The following SPAG17 variants were observed in gnomAD, a reference collection of about 807,000 sequenced individuals.
SPAG17 encodes sperm-associated antigen 17.
Under a neutral mutation model 273.6 loss-of-function variants are expected in SPAG17, and 169 were observed. That is an observed-to-expected ratio of 0.62 (90% CI 0.55 to 0.70). The LOEUF is 0.70. Ranked by LOEUF, SPAG17 falls within the 30% of genes least tolerant of loss-of-function variation. The pLI is 0.00. For missense variants in SPAG17, 2,557 were observed against 2,627.8 expected, an observed-to-expected ratio of 0.97 and a Z score of 0.59; for synonymous variants, 825 against 873.2, an observed-to-expected ratio of 0.94 and a Z score of 0.97.
At chr1:118,020,396 TG>T (rs1213354329) in intron 28 of SPAG17, among the ~76,000 whole-genome samples, 1 of 150,850 alleles carries the variant, frequency 6.6e-6, no homozygotes, top group African/African-American at 2.4e-5. Flanking sequence ...ATCACGCCAT[TG>T]GCACTCCAGC....
At chr1:117,994,928 G>T (rs529603113) in intron 34 of SPAG17, among the ~76,000 whole-genome samples, 3 of 152,164 alleles carry the variant, frequency 2.0e-5, no homozygotes, top group African/African-American at 7.2e-5. Flanking sequence ...CTCTGTGAAT[G>T]AACCTTCCCT....
intron 47 of SPAG17, chr1:117,966,115 T>C (rs1653812189): frequency 6.6e-6 from 1 of 152,302 alleles, no homozygotes; most frequent in Non-Finnish European, 1.5e-5. Flanking sequence ...ATATAATACC[T>C]TTTAAGACAG....
In SPAG17 at chr1:117,981,354, T is replaced by C. The variant is rs759203144; in HGVS notation, c.5920A>G (p.Ser1974Gly). Residue 1974 changes from serine (S) to glycine (G), a missense_variant, in exon 43 of 49, where the codon AGT (serine) becomes GGT (glycine). Transcript: ENST00000336338. Reference protein sequence around the residue: ...VSEQKSSSVPSLPKPEISADK... With the variant: ...VSEQKSSSVPGLPKPEISADK... ...GCAGAAATCTCTGGTTTTGGAAGAC[T>C]AGGCACACTTGAGGATTTCTGTTCT... The C allele has an allele frequency of 1.4e-5, 23 of 1,602,120 alleles. No homozygotes were observed. The highest frequency in any genetic ancestry group is 1.8e-5 in the Admixed American group (1 of 55,814).
At position 117,958,314 on chromosome 1, in the gene SPAG17, C is replaced by T. The variant is rs563517959; in HGVS notation, c.*1-4265G>A. On this transcript the variant is annotated intron_variant, in intron 48 of 48. Coordinates refer to ENST00000336338, the MANE Select transcript of SPAG17 (RefSeq NM_206996.4). Reference sequence around the variant, plus strand: ...CATAATTTGGGGCAACTTGTAAAGACATAAGTTCATATTTAACCATGTTAC... The same window carrying T: ...CATAATTTGGGGCAACTTGTAAAGATATAAGTTCATATTTAACCATGTTAC... 1.2e-4 allele frequency among the ~76,000 whole-genome samples: 18 copies of T among 152,272 alleles called. No individual in the cohort carries two copies. In the South Asian group the frequency reaches 3.7e-3, roughly 32 times the overall value.
intron 43 of SPAG17, among the ~76,000 whole-genome samples, chr1:117,979,604 T>C (rs944095194): frequency 6.6e-6 from 1 of 152,196 alleles, no homozygotes; most frequent in Non-Finnish European, 1.5e-5. Flanking sequence ...AAATTAGCCA[T>C]GTAACTACCC....
At chr1:118,136,832 T>TGTGTGTG (rs1558037921) in intron 3 of SPAG17, among the ~76,000 whole-genome samples, 1 of 150,034 alleles carries the variant, frequency 6.7e-6, no homozygotes, top group Non-Finnish European at 1.5e-5. Flanking sequence ...TGTGTGTGTG[T>TGTGTGTG]TTTTAATGAT....
chr1:118,161,920 G>C (rs1448459206), intron 1 of SPAG17, among the ~76,000 whole-genome samples: 2 of 152,170 alleles, frequency 1.3e-5, no homozygotes, highest in Non-Finnish European at 2.9e-5. Flanking sequence ...GGGAGGAATG[G>C]TGTATGTAGT....
chr1:117,955,472 C>T (rs1652064360), intron 48 of SPAG17: 1 of 975,314 alleles, frequency 1.0e-6, no homozygotes, highest in African/African-American at 1.7e-5. Flanking sequence ...ATAGGTTTAA[C>T]TATATCAAAG....
chr1:118,087,313 A>AT (rs1655074209), intron 10 of SPAG17, among the ~76,000 whole-genome samples: 1 of 152,188 alleles, frequency 6.6e-6, no homozygotes, highest in South Asian at 2.1e-4. Context: ...GAATAATAAC[A>AT]TTTTTTCTTA....
At chr1:117,975,195 G>T (rs1655001814) in intron 43 of SPAG17, among the ~76,000 whole-genome samples, 1 of 152,088 alleles carries the variant, frequency 6.6e-6, no homozygotes, top group Admixed American at 6.6e-5. Flanking sequence ...GAACAAGTAG[G>T]GATGGGTCAT....
chr1:118,165,683 T>TCAC (rs1660138207), intron 1 of SPAG17, among the ~76,000 whole-genome samples: 1 of 143,576 alleles, frequency 7.0e-6, no homozygotes, highest in South Asian at 2.3e-4. Context: ...TCTCGCTCTG[T>TCAC]CACCCAGGTT....
At chr1:118,111,553 A>ACACACAC (rs6143395) in intron 4 of SPAG17, among the ~76,000 whole-genome samples, 9 of 135,858 alleles carry the variant, frequency 6.6e-5, no homozygotes, top group African/African-American at 2.0e-4. Context: ...CTTTTAAAAC[A>ACACACAC]ACACACACAC....
chr1:118,001,249 G>A (rs550523914), intron 32 of SPAG17, among the ~76,000 whole-genome samples: 4 of 152,216 alleles, frequency 2.6e-5, no homozygotes, highest in South Asian at 4.2e-4. Flanking sequence ...ATTTCACATC[G>A]ATGTTCATCA....
At chr1:118,056,291 C>A (rs1557966145) in intron 18 of SPAG17, among the ~76,000 whole-genome samples, 1 of 152,122 alleles carries the variant, frequency 6.6e-6, no homozygotes, top group Non-Finnish European at 1.5e-5. Context: ...GAGAATAATA[C>A]AATGCAATCT....
chr1:118,161,436 G>C (rs1167114019), intron 1 of SPAG17, among the ~76,000 whole-genome samples: 2 of 152,200 alleles, frequency 1.3e-5, no homozygotes, highest in African/African-American at 2.4e-5. Flanking sequence ...AAATTGTGGA[G>C]GGTGGAGGTG....
Position 118,081,174 on chromosome 1 carries a change from G to C in SPAG17, c.2136C>G (p.Leu712=). 2 of 1,614,000 alleles carry C rather than the reference G, an allele frequency of 1.2e-6. No individual in the cohort carries two copies. Among genetic ancestry groups the C allele is most frequent in the Non-Finnish European group, 1.7e-6 (2 of 1,179,980 alleles). ...MKHSDLNNLK[L]SVPDNRQLLE... Reference sequence around the variant, plus strand: ...ACAGCTGTCTATTATCAGGGACTGAGAGTTTGAGATTATTCAAGTCAGAAT... The same window carrying C: ...ACAGCTGTCTATTATCAGGGACTGACAGTTTGAGATTATTCAAGTCAGAAT... The change falls in exon 15 of 49, where the codon CTC becomes CTG. Residue 712 remains leucine, a synonymous_variant. Transcript: ENST00000336338.
intron 3 of SPAG17, among the ~76,000 whole-genome samples, chr1:118,147,129 TC>T (rs1445526256): frequency 6.6e-6 from 1 of 152,238 alleles, no homozygotes; most frequent in Non-Finnish European, 1.5e-5. Flanking sequence ...ATACATTTTG[TC>T]CTTTTTTCTC....
Position 117,988,132 on chromosome 1 carries a change from C to T in SPAG17, c.5594G>A (p.Gly1865Asp), listed in dbSNP as rs1656646258. 1.9e-6 allele frequency: 3 copies of T among 1,607,214 alleles called. No homozygotes were observed. The highest frequency in any genetic ancestry group is 2.5e-6 in the Non-Finnish European group (3 of 1,178,042). Residue 1865 changes from glycine to aspartate, a missense_variant, in exon 39 of 49, where the codon GGT becomes GAT. Coordinates refer to ENST00000336338, the MANE Select transcript of SPAG17 (RefSeq NM_206996.4). The part of the protein sequence containing the change: ...TPPKCPPDTF[G>D]KDFFEKTWRH... ...CCATGTCTTTTCAAAGAAATCTTTA[C>T]CAAATGTGTCTGGTGGGCATTTTGG... is the stretch of plus-strand genomic sequence containing the variant.
chr1:118,093,140 T>A lies in SPAG17; in HGVS notation c.1173+16A>T, dbSNP rs1346525277. On this transcript the variant is annotated intron_variant, in intron 8 of 48. Transcript: ENST00000336338. ...TGAATCATTCATCCCACTAAAGACA[T>A]TGAGCCCATGCCTACCTCTGAAGTT... is the stretch of plus-strand genomic sequence containing the variant. The A allele has an allele frequency of 6.2e-7, 1 of 1,607,788 alleles. No homozygotes were observed. Among genetic ancestry groups the A allele is most frequent in the African/African-American group, 1.3e-5 (1 of 74,624 alleles).
Sources: allele counts gnomAD v4.1 joint callset (sites outside exome capture counted in the v4.1 genomes callset), GRCh38; gene constraint gnomAD v4.1.1; transcripts MANE v1.5; gene names NCBI Gene and HGNC (gene_info 2026-07-23, HGNC 2026-07-21).